Variants in SUMF1 observed in about 807,000 individuals in gnomAD.
SUMF1 encodes the protein formylglycine-generating enzyme.
Under a neutral mutation model 47.6 loss-of-function variants are expected in SUMF1, and 48 were observed. The observed-to-expected ratio is 1.01, with a 90% CI of 0.80 to 1.28. The LOEUF (loss-of-function observed/expected upper bound fraction) is 1.28, where lower values mean the gene tolerates loss of function less well. Ranked by LOEUF, SUMF1 falls within the 50% of genes most tolerant of loss-of-function variation. SUMF1 has a pLI of 0.00. For synonymous variants in SUMF1, 230 were observed against 192.1 expected, an observed-to-expected ratio of 1.20 and a Z score of -1.63; for missense variants, 571 against 485.4, an observed-to-expected ratio of 1.18 and a Z score of -1.66.
At chr3:4,137,273 C>T (rs1200641373) in intron 8 of SUMF1, among the ~76,000 whole-genome samples, 1 of 152,018 alleles carries the variant, frequency 6.6e-6, no homozygotes, top group African/African-American at 2.4e-5. Flanking sequence ...ACATATACAC[C>T]ATGGAATACT....
intron 8 of SUMF1, among the ~76,000 whole-genome samples, chr3:4,191,051 A>T (rs1695304433): frequency 6.6e-6 from 1 of 152,194 alleles, no homozygotes; most frequent in Non-Finnish European, 1.5e-5. Context: ...GGAGGGTGCT[A>T]TCATGGATCA....
intron 8 of SUMF1, among the ~76,000 whole-genome samples, chr3:4,100,526 C>G (rs1338466715): frequency 2.6e-5 from 4 of 151,964 alleles, no homozygotes; most frequent in Non-Finnish European, 5.9e-5. Context: ...AGAATCAACT[C>G]ACAATTAGTT....
At chr3:4,136,751 C>A (rs1173875201) in intron 8 of SUMF1, among the ~76,000 whole-genome samples, 2 of 150,048 alleles carry the variant, frequency 1.3e-5, no homozygotes, top group East Asian at 3.9e-4. Flanking sequence ...CCAGAATCTA[C>A]AATGAACTCA....
intron 7 of SUMF1, among the ~76,000 whole-genome samples, chr3:4,383,826 T>C (rs1052103692): frequency 2.6e-5 from 4 of 152,296 alleles, no homozygotes; most frequent in South Asian, 4.1e-4. Context: ...ACACAGAAAC[T>C]TCATGTCTTC....
In SUMF1 at chr3:4,449,278, A is replaced by G; in HGVS notation, c.507T>C (p.Asn169=). 1 of 1,614,168 alleles carries G rather than the reference A, an allele frequency of 6.2e-7. No homozygotes were observed. The highest frequency in any genetic ancestry group is 8.5e-7 in the Non-Finnish European group (1 of 1,179,994). ...EGMLSEQVKT[N]IQQAVAAAPW... is the part of the protein sequence containing the mutation. ...AAACATTACTTACTGCCTGTTGAATATTGGTCTTCACTTGCTCACTCAACA... is the reference window on the plus strand; with the variant it reads ...AAACATTACTTACTGCCTGTTGAATGTTGGTCTTCACTTGCTCACTCAACA... The change falls in exon 3 of 9, where the codon AAT becomes AAC. Residue 169 remains asparagine (N), a synonymous_variant. Transcript: ENST00000272902.
At chr3:4,056,700 T>A (rs1049456900) in intron 9 of SUMF1, among the ~76,000 whole-genome samples, 1 of 152,046 alleles carries the variant, frequency 6.6e-6, no homozygotes, top group Non-Finnish European at 1.5e-5. Flanking sequence ...AATAGAATTA[T>A]GTGTGGTTTT....
chr3:4,372,255 C>G (rs1473785191), intron 8 of SUMF1, among the ~76,000 whole-genome samples: 1 of 152,114 alleles, frequency 6.6e-6, no homozygotes, highest in Non-Finnish European at 1.5e-5. Flanking sequence ...GAGCCTAGAT[C>G]ATGTCACTGC....
At chr3:4,222,427 G>C (rs1210007266) in intron 8 of SUMF1, among the ~76,000 whole-genome samples, 2 of 151,890 alleles carry the variant, frequency 1.3e-5, no homozygotes, top group Non-Finnish European at 2.9e-5. Context: ...CCAGATGTTT[G>C]AGTTCTTTCA....
At chr3:4,272,115 T>C (rs1271671685) in intron 8 of SUMF1, among the ~76,000 whole-genome samples, 1 of 152,216 alleles carries the variant, frequency 6.6e-6, no homozygotes, top group Non-Finnish European at 1.5e-5. Context: ...GAAAATATTC[T>C]TGATTCTTGC....
intron 8 of SUMF1, among the ~76,000 whole-genome samples, chr3:4,320,372 C>T (rs76934104): frequency 0.011 from 1,632 of 152,266 alleles, 18 homozygotes; most frequent in African/African-American, 0.036. Context: ...TATAGGGAAG[C>T]TTAAACATTC....
At chr3:4,314,064 C>T in intron 8 of SUMF1, 1 of 490,452 alleles carries the variant, frequency 2.0e-6, no homozygotes, top group Non-Finnish European at 3.6e-6. Flanking sequence ...CTCTTTCTTC[C>T]TGCTGGCTGG....
chr3:4,250,574 T>C (rs1403955150), intron 8 of SUMF1, among the ~76,000 whole-genome samples: 4 of 152,134 alleles, frequency 2.6e-5, no homozygotes, highest in Admixed American at 2.0e-4. Context: ...ATCTAGTATT[T>C]TCATAGCTAG....
intron 8 of SUMF1, among the ~76,000 whole-genome samples, chr3:4,342,026 T>C (rs1325554154): frequency 6.6e-6 from 1 of 152,206 alleles, no homozygotes; most frequent in Non-Finnish European, 1.5e-5. Context: ...GACATGAAAG[T>C]TCTAAAGCTC....
intron 7 of SUMF1, among the ~76,000 whole-genome samples, chr3:4,409,702 AC>A (rs1701483146): frequency 6.6e-6 from 1 of 152,130 alleles, no homozygotes; most frequent in South Asian, 2.1e-4. Flanking sequence ...CACTACTTCC[AC>A]CAGCCCCGCT....
At chr3:4,152,874 G>C (rs755043998) in intron 8 of SUMF1, among the ~76,000 whole-genome samples, 1 of 151,502 alleles carries the variant, frequency 6.6e-6, no homozygotes, top group African/African-American at 2.5e-5. Context: ...TGGATAGACA[G>C]AAGAAAACAT....
chr3:4,064,938 T>C (rs955294557), intron 9 of SUMF1, among the ~76,000 whole-genome samples: 5 of 152,162 alleles, frequency 3.3e-5, no homozygotes, highest in Non-Finnish European at 7.4e-5. Flanking sequence ...TTCATTAAAC[T>C]GATGTAACAA....
chr3:4,442,454 T>C (rs1460487299), intron 3 of SUMF1, among the ~76,000 whole-genome samples: 1 of 148,974 alleles, frequency 6.7e-6, no homozygotes, highest in Non-Finnish European at 1.5e-5. Flanking sequence ...AGAGACGGGG[T>C]TTCACCGTTT....
chr3:4,454,343 C>A (rs1293729903), intron 1 of SUMF1, among the ~76,000 whole-genome samples: 3 of 152,222 alleles, frequency 2.0e-5, no homozygotes, highest in Non-Finnish European at 4.4e-5. Flanking sequence ...TGCTCAACAT[C>A]ATGAGTCATT....
At chr3:4,064,335 C>T (rs1695334672) in intron 9 of SUMF1, among the ~76,000 whole-genome samples, 1 of 152,230 alleles carries the variant, frequency 6.6e-6, no homozygotes, top group South Asian at 2.1e-4. Flanking sequence ...AACACCCTCC[C>T]CAGTGCCAAG....
Sources: gnomAD v4.1 joint callset for allele counts (sites outside exome capture counted in the v4.1 genomes callset) on GRCh38, gnomAD v4.1.1 for gene constraint, MANE v1.5 for transcripts, NCBI Gene and HGNC (gene_info 2026-07-23, HGNC 2026-07-21) for gene names.